Variants in LHFPL3 observed in about 807,000 individuals in gnomAD.
The protein encoded by LHFPL3 is LHFPL tetraspan subfamily member 3.
Under a neutral mutation model 19.3 loss-of-function variants are expected in LHFPL3, and 5 were observed. The observed-to-expected ratio is 0.26, with a 90% confidence interval of 0.14 to 0.54. The LOEUF is 0.54. Ranked by LOEUF, LHFPL3 falls within the 20% of genes least tolerant of loss-of-function variation. LHFPL3 has a pLI of 0.94. For synonymous variants in LHFPL3, 133 were observed against 126.2 expected, an observed-to-expected ratio of 1.05 and a Z score of -0.36; for missense variants, 249 against 307.4, an observed-to-expected ratio of 0.81 and a Z score of 1.42.
At chr7:104,720,606 C>A (rs1189538946) in intron 1 of LHFPL3, among the ~76,000 whole-genome samples, 1 of 152,102 alleles carries the variant, frequency 6.6e-6, no homozygotes, top group Non-Finnish European at 1.5e-5. Flanking sequence ...GAACAGTCAA[C>A]CTACAGAATG....
At chr7:104,583,358 C>T (rs1406377947) in intron 1 of LHFPL3, among the ~76,000 whole-genome samples, 1 of 152,098 alleles carries the variant, frequency 6.6e-6, no homozygotes, top group South Asian at 2.1e-4. Flanking sequence ...CATAAAAACC[C>T]TAGAAGAAAA....
chr7:104,328,690 G>T lies in LHFPL3; in HGVS notation c.-90G>T. 8.6e-7 allele frequency: 1 copy of T among 1,162,948 alleles called. No homozygotes were observed. Among genetic ancestry groups the T allele is most frequent in the Non-Finnish European group, 1.2e-6 (1 of 820,586 alleles). The allele number at this position is 1,162,948 out of a possible 1,614,324, so 72.0% of individuals were successfully genotyped here. On this transcript the variant is annotated 5_prime_UTR_variant, in exon 1 of 3. Transcript: ENST00000424859. The surrounding 1 kb of genome is among the most constrained non-coding windows in gnomAD (Gnocchi z 4.6). ...GGCGGAGGCAGGGGAGTTGCAGCGC[G>T]CGAGGCTCCGTGAGTGTGTCTCCTG...
At chr7:104,902,394 A>G (rs148790762) in intron 2 of LHFPL3, among the ~76,000 whole-genome samples, 2 of 151,662 alleles carry the variant, frequency 1.3e-5, no homozygotes, top group Non-Finnish European at 2.9e-5. Flanking sequence ...CTCAAAAAGA[A>G]GAGGAGGAAG....
At chr7:104,636,757 T>C (rs1021607883) in intron 1 of LHFPL3, among the ~76,000 whole-genome samples, 2 of 152,254 alleles carry the variant, frequency 1.3e-5, no homozygotes, top group African/African-American at 4.8e-5. Context: ...CCATGGTGTA[T>C]ATGTAAAACA....
intron 1 of LHFPL3, among the ~76,000 whole-genome samples, chr7:104,568,597 A>C (rs1423381807): frequency 1.3e-5 from 2 of 152,192 alleles, no homozygotes; most frequent in Non-Finnish European, 1.5e-5. Context: ...ATGCAGCCTT[A>C]GCTTCTAGCC....
chr7:104,562,131 C>A (rs1240031525), intron 1 of LHFPL3, among the ~76,000 whole-genome samples: 3 of 151,748 alleles, frequency 2.0e-5, no homozygotes, highest in African/African-American at 7.3e-5. Flanking sequence ...TCCTTCATTT[C>A]AACTTTGGTG....
intron 2 of LHFPL3, among the ~76,000 whole-genome samples, chr7:104,777,896 A>C (rs931105172): frequency 6.6e-6 from 1 of 152,116 alleles, no homozygotes; most frequent in Non-Finnish European, 1.5e-5. Context: ...TTGTAACTTA[A>C]GTAAGTCATT....
At chr7:104,414,884 C>A (rs1363489592) in intron 1 of LHFPL3, among the ~76,000 whole-genome samples, 1 of 152,160 alleles carries the variant, frequency 6.6e-6, no homozygotes, top group Non-Finnish European at 1.5e-5. Context: ...AATGAGTGTG[C>A]TTCCAATATT....
At chr7:104,732,645 A>G (rs1321424881) in intron 1 of LHFPL3, among the ~76,000 whole-genome samples, 4 of 152,054 alleles carry the variant, frequency 2.6e-5, no homozygotes, top group Non-Finnish European at 4.4e-5. Flanking sequence ...TTAGTGGTCT[A>G]TCAATTTTGT....
intron 1 of LHFPL3, among the ~76,000 whole-genome samples, chr7:104,648,641 A>G (rs1791973465): frequency 6.6e-6 from 1 of 152,212 alleles, no homozygotes; most frequent in South Asian, 2.1e-4. Context: ...ATGTGGTGAT[A>G]TATAATGTAA....
In LHFPL3 at chr7:104,685,700, C is replaced by T. The variant is rs536366206; in HGVS notation, c.446-50975C>T. On this transcript the variant is annotated intron_variant, in intron 1 of 2. Coordinates refer to ENST00000424859, the MANE Select transcript of LHFPL3 (RefSeq NM_199000.3). ...CTGAGCATCAGAGCTGCAGGAATCT[C>T]TCCCTCTAAGATTCCGTTCATTCAA... Among the ~76,000 whole-genome samples the T allele has an allele frequency of 2.4e-4, 37 of 152,312 alleles. No individual in the cohort carries two copies. In the South Asian group the frequency reaches 7.0e-3, roughly 29 times the overall value.
At chr7:104,680,666 A>G (rs922958172) in intron 1 of LHFPL3, among the ~76,000 whole-genome samples, 1 of 152,198 alleles carries the variant, frequency 6.6e-6, no homozygotes, top group African/African-American at 2.4e-5. Context: ...TCATGGTTAT[A>G]CAGGAAAGAG....
chr7:104,472,586 C>T (rs140646870), intron 1 of LHFPL3, among the ~76,000 whole-genome samples: 2 of 152,224 alleles, frequency 1.3e-5, no homozygotes, highest in East Asian at 1.9e-4. Context: ...AGGGTATGTG[C>T]GTGAGTATTT....
In LHFPL3 at chr7:104,733,312, G is replaced by C. The variant is rs184460520; in HGVS notation, c.446-3363G>C. 1.1e-4 allele frequency among the ~76,000 whole-genome samples: 16 copies of C among 152,276 alleles called. No homozygotes were observed. In the East Asian group the frequency reaches 3.1e-3, roughly 29 times the overall value. Reference sequence around the variant, plus strand: ...TTCTGTCTCGTTTCTGTCTAATGTAGAGAGTGGGGTGTTAAAATCTCCCCT... The same window carrying C: ...TTCTGTCTCGTTTCTGTCTAATGTACAGAGTGGGGTGTTAAAATCTCCCCT... On this transcript the variant is annotated intron_variant, in intron 1 of 2. Transcript: ENST00000424859.
intron 1 of LHFPL3, among the ~76,000 whole-genome samples, chr7:104,528,959 G>A (rs868487337): frequency 1.3e-5 from 2 of 152,140 alleles, no homozygotes; most frequent in African/African-American, 4.8e-5. Flanking sequence ...TCACTTTTAT[G>A]CATGGCTTGC....
intron 1 of LHFPL3, among the ~76,000 whole-genome samples, chr7:104,595,618 G>T (rs1032612175): frequency 6.6e-6 from 1 of 152,254 alleles, no homozygotes; most frequent in Non-Finnish European, 1.5e-5. Context: ...GGATGTTTAA[G>T]TCTGCAGAAG....
chr7:104,376,310 G>A (rs1001357636), intron 1 of LHFPL3, among the ~76,000 whole-genome samples: 1 of 152,186 alleles, frequency 6.6e-6, no homozygotes, highest in African/African-American at 2.4e-5. Context: ...TTACATTTTG[G>A]TGTGAAAGAT....
intron 2 of LHFPL3, among the ~76,000 whole-genome samples, chr7:104,900,328 C>T (rs527958947): frequency 1.3e-5 from 2 of 152,230 alleles, no homozygotes; most frequent in East Asian, 1.9e-4. Context: ...GAGAAAGAGA[C>T]GTTCATGAGT....
At chr7:104,788,363 C>T (rs1789962671) in intron 2 of LHFPL3, among the ~76,000 whole-genome samples, 2 of 152,228 alleles carry the variant, frequency 1.3e-5, no homozygotes, top group South Asian at 4.1e-4. Context: ...CTGCCAGCGA[C>T]AGCCTCTCAG....
Sources: gnomAD v4.1 joint callset for allele counts (sites outside exome capture counted in the v4.1 genomes callset) on GRCh38, gnomAD v4.1.1 for gene constraint, Gnocchi (gnomAD v3.1) non-coding constraint, MANE v1.5 for transcripts, NCBI Gene and HGNC (gene_info 2026-07-23, HGNC 2026-07-21) for gene names.